The following ATG101 variants were observed in gnomAD, a reference collection of about 807,000 sequenced individuals.
The protein encoded by ATG101 is autophagy related 101.
Under a neutral mutation model 16.7 loss-of-function variants are expected in ATG101, and 6 were observed. That is an observed-to-expected ratio of 0.36 (90% CI 0.20 to 0.71). The LOEUF is 0.71. ATG101 is among the 30% of genes least tolerant of loss of function. The pLI, the probability that ATG101 is intolerant of heterozygous loss-of-function variation, is 0.57. For synonymous variants in ATG101, 108 were observed against 118.1 expected, an observed-to-expected ratio of 0.91 and a Z score of 0.56; for missense variants, 200 against 292.5, an observed-to-expected ratio of 0.68 and a Z score of 2.31.
chr12:52,066,982 C>T (rs1341265596), upstream of ATG101, among the ~76,000 whole-genome samples: 1 of 152,312 alleles, frequency 6.6e-6, no homozygotes, highest in East Asian at 1.9e-4. Context: ...TTTGTGCAGC[C>T]TCCCGAAGAG....
chr12:52,072,679 A>G (rs1015916175), intron 2 of ATG101, among the ~76,000 whole-genome samples: 1 of 152,056 alleles, frequency 6.6e-6, no homozygotes, highest in Non-Finnish European at 1.5e-5. Flanking sequence ...TTCACTTCTC[A>G]GAGCAGTTTG....
rs115824693 is a variant in ATG101, at chr12:52,075,235, G to A, written c.252+1333G>A. On this transcript the variant is annotated intron_variant, in intron 3 of 3. Transcript: ENST00000336854. Reference sequence around the variant, plus strand: ...AAACCCAGAAAGGGCAAGTTCATAAGTGGTTTCCTAGTCACCCTTAAGAGC... The same window carrying A: ...AAACCCAGAAAGGGCAAGTTCATAAATGGTTTCCTAGTCACCCTTAAGAGC... Among the ~76,000 whole-genome samples the A allele has an allele frequency of 4.6e-3, 701 of 152,328 alleles. 5 individuals are homozygous for A. Among genetic ancestry groups the A allele is most frequent in the African/African-American group, 0.016 (666 of 41,556 alleles).
rs976912882 is a variant in ATG101, at chr12:52,075,902, G to A, written c.253-884G>A. ...GAACTGGGTGCAGTGGCTTGTGACC[G>A]TAATCCCAGCACTTTGGGAGGCTGA... is the stretch of plus-strand genomic sequence containing the variant. On this transcript the variant is annotated intron_variant, in intron 3 of 3. Coordinates refer to ENST00000336854, the MANE Select transcript of ATG101 (RefSeq NM_021934.5). Among the ~76,000 whole-genome samples, 11 of 152,148 alleles carry A rather than the reference G, an allele frequency of 7.2e-5. 1 individual carries two copies. Among genetic ancestry groups the A allele is most frequent in the Non-Finnish European group, 1.6e-4 (11 of 68,028 alleles).
upstream of ATG101, among the ~76,000 whole-genome samples, chr12:52,068,580 C>A (rs1274622006): frequency 6.6e-6 from 1 of 151,974 alleles, no homozygotes; most frequent in African/African-American, 2.4e-5. Context: ...TGGTCTTGAA[C>A]CCCCGGCCCC....
At position 52,076,779 on chromosome 12, in the gene ATG101, T is replaced by G; in HGVS notation, c.253-7T>G. On this transcript the variant is annotated splice_polypyrimidine_tract_variant and splice_region_variant and intron_variant, in intron 3 of 3. Transcript: ENST00000336854. Reference sequence around the variant, plus strand: ...CTTGGCTTGCTCATTCGTTCCCTTCTTCCCAGGATGCACTGCGCAACTCTG... The same window carrying G: ...CTTGGCTTGCTCATTCGTTCCCTTCGTCCCAGGATGCACTGCGCAACTCTG... 1.2e-6 allele frequency: 2 copies of G among 1,610,830 alleles called. No individual in the cohort carries two copies. The highest frequency in any genetic ancestry group is 1.7e-6 in the Non-Finnish European group (2 of 1,177,268).
At chr12:52,068,940 G>A (rs1024253167), upstream of ATG101, among the ~76,000 whole-genome samples, 28 of 134,978 alleles carry the variant, frequency 2.1e-4, no homozygotes, top group East Asian at 5.3e-3. Flanking sequence ...GCAGTGAGCC[G>A]AGATAGCGCC....
At chr12:52,069,391 C>T (rs1565659954), upstream of ATG101, 5 of 152,294 alleles carry the variant, frequency 3.3e-5, no homozygotes, top group South Asian at 6.2e-4. Flanking sequence ...TCTCCAGCAT[C>T]TGTGTGGGTG....
intron 2 of ATG101, among the ~76,000 whole-genome samples, chr12:52,072,072 T>C (rs1939658853): frequency 6.6e-6 from 1 of 152,268 alleles, no homozygotes; most frequent in Non-Finnish European, 1.5e-5. Flanking sequence ...AACAATGTAA[T>C]AATGAATTAT....
At chr12:52,074,102 G>A (rs978419161) in intron 3 of ATG101, among the ~76,000 whole-genome samples, 200 bp downstream of exon 3, 4 of 152,238 alleles carry the variant, frequency 2.6e-5, no homozygotes, top group Non-Finnish European at 2.9e-5. Flanking sequence ...TGTGTGTGGT[G>A]GGGGAGGGAG....
At chr12:52,066,852 C>T (rs561975461), upstream of ATG101, among the ~76,000 whole-genome samples, 1 of 152,144 alleles carries the variant, frequency 6.6e-6, no homozygotes, top group Admixed American at 6.5e-5. Flanking sequence ...CACTGGCAGT[C>T]TCTGGGGATG....
chr12:52,074,915 C>T (rs2701115), intron 3 of ATG101, among the ~76,000 whole-genome samples: 6,437 of 152,148 alleles, frequency 0.042, 430 homozygotes, highest in African/African-American at 0.15. Flanking sequence ...GCCATGATCA[C>T]GCTACTGTAC....
intron 2 of ATG101, among the ~76,000 whole-genome samples, chr12:52,073,064 G>T (rs75122264): frequency 6.6e-6 from 1 of 152,208 alleles, no homozygotes; most frequent in African/African-American, 2.4e-5. Flanking sequence ...ACCACACCCG[G>T]CCTAGAGGTA....
chr12:52,070,505 G>T (rs966408322), intron 2 of ATG101, 22 bp downstream of exon 2: 2 of 152,460 alleles, frequency 1.3e-5, no homozygotes, highest in Non-Finnish European at 2.9e-5. Flanking sequence ...CGCACCCTGT[G>T]CTCCAGCCAG....
At position 52,076,093 on chromosome 12, in the gene ATG101, G is replaced by A. The variant is rs566470728; in HGVS notation, c.253-693G>A. ...GGATCGCTTGAGCCCAGGAGTCCGA[G>A]GCTGCAGTGAGCCATGATTGCTCCA... On this transcript the variant is annotated intron_variant, in intron 3 of 3. Transcript: ENST00000336854. Among the ~76,000 whole-genome samples the A allele has an allele frequency of 4.6e-5, 7 of 152,334 alleles. No individual in the cohort carries two copies. The South Asian group carries it at 1.4e-3, about 32-fold the overall frequency.
upstream of ATG101, chr12:52,069,960 C>A (rs2272482): frequency 0.19 from 29,678 of 152,246 alleles, 3,875 homozygotes; most frequent in East Asian, 0.43. Flanking sequence ...TCCCGGCGCG[C>A]GGGGGGCGGT....
At chr12:52,066,625 A>G (rs1939551907), upstream of ATG101, among the ~76,000 whole-genome samples, 1 of 152,200 alleles carries the variant, frequency 6.6e-6, no homozygotes, top group Non-Finnish European at 1.5e-5. Flanking sequence ...CAAGTAAATC[A>G]GAGAGTGGAG....
At position 52,077,117 on chromosome 12, in the gene ATG101, A is replaced by T. The variant is rs193167626; in HGVS notation, c.584A>T (p.Gln195Leu). The T allele has an allele frequency of 3.7e-6, 6 of 1,614,202 alleles. No individual in the cohort carries two copies. In the African/African-American group the frequency reaches 8.0e-5, roughly 22 times the overall value. ...CCCTACCTGTACAAGATCTCCTTCC[A>T]GATCACTGATGCCCTGGGCACCTCA... is the stretch of plus-strand genomic sequence containing the variant. ...VQPYLYKISFQITDALGTSVT... is the reference protein window; with the variant it reads ...VQPYLYKISFLITDALGTSVT... Residue 195 changes from glutamine to leucine, a missense_variant, in exon 4 of 4, where the codon CAG becomes CTG. Transcript: ENST00000336854.
At chr12:52,067,661 C>T (rs1939561868), upstream of ATG101, among the ~76,000 whole-genome samples, 3 of 151,666 alleles carry the variant, frequency 2.0e-5, no homozygotes, top group African/African-American at 7.3e-5. Flanking sequence ...GATCTCTGCT[C>T]ACTGCAACCT....
At position 52,073,730 on chromosome 12, in the gene ATG101, C is replaced by T. The variant is rs759305755; in HGVS notation, c.80C>T (p.Thr27Met). The T allele has an allele frequency of 1.9e-5, 30 of 1,614,044 alleles. No homozygotes were observed. Among genetic ancestry groups the T allele is most frequent in the African/African-American group, 5.3e-5 (4 of 74,922 alleles). ...GAGGCCATGCTGGCTGTGCTGCACA[C>T]GGTGCTTCTGCACCGCAGCACAGGC... ...VEEAMLAVLH[T>M]VLLHRSTGKF... is the part of the protein sequence containing the mutation. Residue 27 changes from threonine (T) to methionine (M), a missense_variant, in exon 3 of 4, where the codon ACG becomes ATG. Coordinates refer to ENST00000336854, the MANE Select transcript of ATG101 (RefSeq NM_021934.5).
Sources: gnomAD v4.1 joint callset for allele counts (sites outside exome capture counted in the v4.1 genomes callset) on GRCh38, gnomAD v4.1.1 for gene constraint, MANE v1.5 for transcripts, NCBI Gene and HGNC (gene_info 2026-07-23, HGNC 2026-07-21) for gene names.